ADGRV1: variants seen among roughly 807,000 people sequenced by gnomAD.
The protein encoded by ADGRV1 is adhesion G protein-coupled receptor V1, also known as G-protein coupled receptor 98.
A neutral mutation model predicts 596.2 loss-of-function variants in ADGRV1; 359 were observed. The observed-to-expected ratio is 0.60, with a 90% CI of 0.55 to 0.66. The LOEUF (loss-of-function observed/expected upper bound fraction) is 0.66. Among genes scored for constraint, ADGRV1 ranks in the 30% least tolerant of loss-of-function variants. The pLI is 0.00. For missense variants in ADGRV1, 7,274 were observed against 7,575.6 expected, an observed-to-expected ratio of 0.96 and a Z score of 1.48; for synonymous variants, 2,681 against 2,679.2, an observed-to-expected ratio of 1.00 and a Z score of -0.02.
chr5:91,006,589 C>T lies in ADGRV1; in HGVS notation c.18152+21067C>T, dbSNP rs560607413. ...TGATAGATAAGTACTTCCTCTAACA[C>T]GGTCAATTGAAATCTGTTCCTATAC... On this transcript the variant is annotated intron_variant, in intron 85 of 89. Coordinates refer to ENST00000405460, the MANE Select transcript of ADGRV1 (RefSeq NM_032119.4). 5.9e-5 allele frequency among the ~76,000 whole-genome samples: 9 copies of T among 152,204 alleles called. No homozygotes were observed. In the East Asian group the frequency reaches 1.2e-3, roughly 20 times the overall value.
intron 78 of ADGRV1, among the ~76,000 whole-genome samples, chr5:90,848,178 T>C (rs1213477800): frequency 6.6e-6 from 1 of 152,204 alleles, no homozygotes; most frequent in Non-Finnish European, 1.5e-5. Context: ...GTGCTTTAAA[T>C]ATTTAGTGAT....
intron 65 of ADGRV1, 142 bp from the exon 66 acceptor site, chr5:90,782,982 C>A (rs1759019151): frequency 1.5e-6 from 1 of 668,172 alleles, no homozygotes; most frequent in Non-Finnish European, 2.6e-6. Flanking sequence ...CACTAATCCC[C>A]CTTTAAAATG....
At chr5:90,736,198 T>TC (rs1753196514) in intron 50 of ADGRV1, among the ~76,000 whole-genome samples, 1 of 152,144 alleles carries the variant, frequency 6.6e-6, no homozygotes, top group South Asian at 2.1e-4. Flanking sequence ...GATGTTGATT[T>TC]TTTTCAAATA....
intron 85 of ADGRV1, among the ~76,000 whole-genome samples, chr5:91,044,646 A>G (rs1785637629): frequency 6.6e-6 from 1 of 152,150 alleles, no homozygotes; most frequent in Non-Finnish European, 1.5e-5. Context: ...CCCACAGCAG[A>G]ATTGCACTTG....
intron 86 of ADGRV1, among the ~76,000 whole-genome samples, chr5:91,101,849 G>A (rs1421650947): frequency 2.0e-5 from 3 of 152,130 alleles, no homozygotes; most frequent in Admixed American, 6.6e-5. Flanking sequence ...TAAGTGCCTG[G>A]TTGGAATATG....
intron 85 of ADGRV1, among the ~76,000 whole-genome samples, chr5:91,020,246 A>G (rs573078875): frequency 6.6e-6 from 1 of 152,070 alleles, no homozygotes; most frequent in African/African-American, 2.4e-5. Context: ...CCCAAAGAGT[A>G]GGGCTAGGAA....
At chr5:90,890,206 A>G (rs1391580789) in intron 83 of ADGRV1, among the ~76,000 whole-genome samples, 3 of 152,016 alleles carry the variant, frequency 2.0e-5, no homozygotes, top group Admixed American at 1.3e-4. Context: ...TCTTTTTGCA[A>G]CTCACCTTTT....
chr5:90,973,864 G>GAAGA (rs1008669752), intron 84 of ADGRV1, among the ~76,000 whole-genome samples: 2 of 152,266 alleles, frequency 1.3e-5, no homozygotes. Flanking sequence ...CAGTCAGGCA[G>GAAGA]AAGAAAGAAA....
In ADGRV1 at chr5:90,628,678, G is replaced by A. The variant is rs768889720; in HGVS notation, c.1355G>A (p.Ser452Asn). Residue 452 changes from serine to asparagine, a missense_variant, in exon 8 of 90, where the codon AGC becomes AAC. Transcript: ENST00000405460. Reference protein sequence around the residue: ...PSPVTADIRPSSGVLHFAQGQ... With the variant: ...PSPVTADIRPNSGVLHFAQGQ... ...CCAGTAACAGCAGATATCAGACCGA[G>A]CTCTGGAGTTCTCCATTTTGCACAA... 8.7e-6 allele frequency: 14 copies of A among 1,614,016 alleles called. No homozygotes were observed. The South Asian group carries it at 1.4e-4, about 16-fold the overall frequency.
chr5:90,920,325 A>G (rs1438301115), intron 83 of ADGRV1, among the ~76,000 whole-genome samples: 1 of 152,226 alleles, frequency 6.6e-6, no homozygotes, highest in African/African-American at 2.4e-5. Context: ...ATAACTTCCC[A>G]AAGGCTCCTA....
intron 59 of ADGRV1, among the ~76,000 whole-genome samples, chr5:90,764,635 T>C (rs1266036599): frequency 1.3e-5 from 2 of 152,134 alleles, no homozygotes; most frequent in Non-Finnish European, 2.9e-5. Flanking sequence ...CCCTCCCTTA[T>C]GGGCAGCCTA....
intron 1 of ADGRV1, among the ~76,000 whole-genome samples, chr5:90,564,713 G>T (rs1311086): frequency 3.1e-5 from 1 of 31,856 alleles, no homozygotes; most frequent in Admixed American, 2.0e-4. Context: ...TGCAAGCTCC[G>T]CCTCCCGGGT....
rs576984648 is a variant in ADGRV1 at position 90,975,791 on chromosome 5, A to G, written c.17974-9553A>G. Among the ~76,000 whole-genome samples the G allele has an allele frequency of 1.1e-4, 16 of 152,278 alleles. 2 individuals are homozygous for G. In the South Asian group the frequency reaches 3.3e-3, roughly 32 times the overall value. ...TGGGTGCAGCACACCAAGATGGCAC[A>G]TGTATACATAGGTAACAAACCTGCA... On this transcript the variant is annotated intron_variant, in intron 84 of 89. Coordinates refer to ENST00000405460, the MANE Select transcript of ADGRV1 (RefSeq NM_032119.4).
chr5:90,961,462 T>A (rs1581639715), intron 83 of ADGRV1, among the ~76,000 whole-genome samples: 1 of 111,932 alleles, frequency 8.9e-6, no homozygotes, highest in Non-Finnish European at 1.7e-5. Flanking sequence ...CACTCCAGCC[T>A]GGGTGACAGA....
chr5:91,015,336 A>G (rs1200142089), intron 85 of ADGRV1, among the ~76,000 whole-genome samples: 1 of 152,050 alleles, frequency 6.6e-6, no homozygotes, highest in East Asian at 1.9e-4. Flanking sequence ...CCATGTGGCG[A>G]TGAGAAGAAT....
chr5:91,072,301 A>G (rs1455904133), intron 85 of ADGRV1, 146 bp from the exon 86 acceptor site: 8 of 695,296 alleles, frequency 1.2e-5, no homozygotes, highest in Non-Finnish European at 2.0e-5. Context: ...GTACTCAAAC[A>G]AAACTTCAGT....
chr5:90,779,625 G>A (rs2150084772), intron 64 of ADGRV1: 1 of 152,370 alleles, frequency 6.6e-6, no homozygotes, highest in Admixed American at 6.5e-5. Context: ...TGTTTTCAAG[G>A]AAGATAATGA....
intron 88 of ADGRV1, among the ~76,000 whole-genome samples, chr5:91,150,834 T>C (rs1422276365): frequency 6.6e-6 from 1 of 152,196 alleles, no homozygotes; most frequent in Non-Finnish European, 1.5e-5. Flanking sequence ...TCTGTCCACA[T>C]CATTTTTATT....
chr5:90,677,771 A>T (rs1314197298), intron 25 of ADGRV1, among the ~76,000 whole-genome samples: 1 of 152,182 alleles, frequency 6.6e-6, no homozygotes, highest in Non-Finnish European at 1.5e-5. Flanking sequence ...TTGCGTAGGA[A>T]GCAATAGTGG....
Sources: allele counts gnomAD v4.1 joint callset (sites outside exome capture counted in the v4.1 genomes callset), GRCh38; gene constraint gnomAD v4.1.1; transcripts MANE v1.5; gene names NCBI Gene and HGNC (gene_info 2026-07-23, HGNC 2026-07-21).